TMEM167A: variants seen among roughly 807,000 people sequenced by gnomAD.
The protein encoded by TMEM167A is transmembrane protein 167A, also known as protein kish-A.
In TMEM167A, 8 loss-of-function variants were observed where a neutral mutation model predicts 11.6. That is an observed-to-expected ratio of 0.69 (90% CI 0.40 to 1.24). TMEM167A has a LOEUF of 1.24. Ranked by LOEUF, TMEM167A falls within the 50% of genes most tolerant of loss-of-function variation. The pLI is 0.01. For missense variants in TMEM167A, 62 were observed against 87.0 expected, an observed-to-expected ratio of 0.71 and a Z score of 1.14; for synonymous variants, 22 against 28.0, an observed-to-expected ratio of 0.79 and a Z score of 0.67.
chr5:83,070,237 CGACTGAGTACGCAGGTTCTGTAA>C (rs1428238210), intron 1 of TMEM167A, among the ~76,000 whole-genome samples: 3 of 152,116 alleles, frequency 2.0e-5, no homozygotes, highest in African/African-American at 4.8e-5. Flanking sequence ...AAGATCTGTA[CGACTGAGTACGCAGGTTCTGTAA>C]GACTGAGTAC....
chr5:83,077,285 G>A (rs1436659769), intron 1 of TMEM167A, 36 bp downstream of exon 1: 1 of 1,614,158 alleles, frequency 6.2e-7, no homozygotes, highest in Admixed American at 1.7e-5. Flanking sequence ...ACCCCTTCTC[G>A]AAGATCAACC....
Position 83,056,647 on chromosome 5 carries a change from A to C in TMEM167A, c.*437T>G. On this transcript the variant is annotated 3_prime_UTR_variant, in exon 4 of 4. Coordinates refer to ENST00000502346, the MANE Select transcript of TMEM167A (RefSeq NM_174909.5). ...GAAAAGCAAGCACTATTAAATATTA[A>C]TGCAATCCTTATCAACACAAATTGA... 4.5e-6 allele frequency: 1 copy of C among 222,738 alleles called. No individual in the cohort carries two copies. Among genetic ancestry groups the C allele is most frequent in the South Asian group, 6.1e-5 (1 of 16,504 alleles). The allele number at this position is 222,738 out of a possible 1,614,324, so 13.8% of individuals were successfully genotyped here.
chr5:83,059,776 A>G (rs1744381001), intron 3 of TMEM167A, among the ~76,000 whole-genome samples: 1 of 152,014 alleles, frequency 6.6e-6, no homozygotes, highest in South Asian at 2.1e-4. Flanking sequence ...TTTGAGCTTG[A>G]TAATTCTGTT....
Position 83,077,294 on chromosome 5 carries a change from C to A in TMEM167A, c.3+27G>T. On this transcript the variant is annotated intron_variant, in intron 1 of 3. Coordinates refer to ENST00000502346, the MANE Select transcript of TMEM167A (RefSeq NM_174909.5). ...TCCACAACCCCTTCTCGAAGATCAA[C>A]CGCGACCTGGGAGCCCCACTTCTTA... is the stretch of plus-strand genomic sequence containing the variant. 1.9e-6 allele frequency: 3 copies of A among 1,614,224 alleles called. No homozygotes were observed. The East Asian group carries it at 6.7e-5, about 36-fold the overall frequency.
intron 1 of TMEM167A, among the ~76,000 whole-genome samples, chr5:83,068,867 A>C (rs769577458): frequency 2.6e-5 from 4 of 152,140 alleles, no homozygotes; most frequent in Admixed American, 2.0e-4. Context: ...TGCTTAAATG[A>C]TATAATGTTC....
rs1360121128 is a variant in TMEM167A at position 83,054,490 on chromosome 5, T to G, written c.*2594A>C. ...GAACTTAGCAAGCTGAGGACTTCAG[T>G]GTCCATCATCCGATCCTGCCCTGTA... On this transcript the variant is annotated 3_prime_UTR_variant, in exon 4 of 4. Coordinates refer to ENST00000502346, the MANE Select transcript of TMEM167A (RefSeq NM_174909.5). 6.6e-6 allele frequency: 1 copy of G among 152,038 alleles called. No homozygotes were observed. Among genetic ancestry groups the G allele is most frequent in the Non-Finnish European group, 1.5e-5 (1 of 67,956 alleles). 9.4% of individuals were successfully genotyped at this position (152,038 alleles called of 1,614,324 possible).
intron 1 of TMEM167A, among the ~76,000 whole-genome samples, chr5:83,067,665 T>G (rs1744502418): frequency 6.6e-6 from 1 of 151,178 alleles, no homozygotes; most frequent in Non-Finnish European, 1.5e-5. Flanking sequence ...CCACTACGCC[T>G]GGCTAAATTT....
intron 1 of TMEM167A, among the ~76,000 whole-genome samples, chr5:83,066,645 T>C (rs748271625): frequency 1.1e-4 from 17 of 152,156 alleles, no homozygotes; most frequent in Non-Finnish European, 1.9e-4. Flanking sequence ...GAAGAGACTG[T>C]TGCTATGGTT....
rs754783543 is a variant in TMEM167A, at chr5:83,065,005, T to C, written c.113+3A>G. 2 of 1,568,928 alleles carry C rather than the reference T, an allele frequency of 1.3e-6. No individual in the cohort carries two copies. The highest frequency in any genetic ancestry group is 2.3e-5 in the South Asian group (2 of 87,626). On this transcript the variant is annotated splice_donor_region_variant and intron_variant, in intron 2 of 3. Transcript: ENST00000502346. Reference sequence around the variant, plus strand: ...GGGTGATTAGACATCATTAGTAACATACCCAGTTTTATTTCTGTCCAGGAG... The same window carrying C: ...GGGTGATTAGACATCATTAGTAACACACCCAGTTTTATTTCTGTCCAGGAG...
At chr5:83,067,228 T>G in intron 1 of TMEM167A, among the ~76,000 whole-genome samples, 1 of 145,574 alleles carries the variant, frequency 6.9e-6, no homozygotes, top group East Asian at 1.9e-4. Context: ...AAGGCAAGAA[T>G]AGCCAGGAGA....
At position 83,057,078 on chromosome 5, in the gene TMEM167A, C is replaced by T. The variant is rs750187337; in HGVS notation, c.*6G>A. Reference sequence around the variant, plus strand: ...GATGGCAACTACATTCTGGCATTTTCCCCAGCTACTGTATGAAGAGGATGC... The same window carrying T: ...GATGGCAACTACATTCTGGCATTTTTCCCAGCTACTGTATGAAGAGGATGC... On this transcript the variant is annotated 3_prime_UTR_variant, in exon 4 of 4. Transcript: ENST00000502346. The T allele has an allele frequency of 2.5e-6, 4 of 1,610,516 alleles. No individual in the cohort carries two copies. The highest frequency in any genetic ancestry group is 3.4e-6 in the Non-Finnish European group (4 of 1,178,404).
rs1024334287 is a variant in TMEM167A, at chr5:83,059,418, G to A, written c.149-2264C>T. Among the ~76,000 whole-genome samples the A allele has an allele frequency of 3.3e-5, 5 of 150,780 alleles. No homozygotes were observed. The South Asian group carries it at 8.3e-4, about 25-fold the overall frequency. On this transcript the variant is annotated intron_variant, in intron 3 of 3. Coordinates refer to ENST00000502346, the MANE Select transcript of TMEM167A (RefSeq NM_174909.5). ...TGCATTAGCAATTTAATAAAACTGA[G>A]ATGAAAACGATGCCTCTTAACTCCA... is the stretch of plus-strand genomic sequence containing the variant.
intron 1 of TMEM167A, among the ~76,000 whole-genome samples, chr5:83,067,240 T>A (rs1166964042): frequency 7.7e-6 from 1 of 130,124 alleles, no homozygotes; most frequent in African/African-American, 2.7e-5. Context: ...GCCAGGAGAA[T>A]CTTAAAAACA....
At chr5:83,069,388 G>A (rs1415484009) in intron 1 of TMEM167A, among the ~76,000 whole-genome samples, 1 of 152,116 alleles carries the variant, frequency 6.6e-6, no homozygotes, top group Non-Finnish European at 1.5e-5. Context: ...AAAGGGAAAG[G>A]AGGAATCTAA....
chr5:83,068,686 G>A (rs111517625), intron 1 of TMEM167A, among the ~76,000 whole-genome samples: 3 of 152,122 alleles, frequency 2.0e-5, no homozygotes, highest in Non-Finnish European at 2.9e-5. Flanking sequence ...TCATTGGCAC[G>A]TTCAGGGAAT....
In TMEM167A at chr5:83,056,420, C is replaced by A. The variant is rs1040942849; in HGVS notation, c.*664G>T. 6.6e-6 allele frequency: 1 copy of A among 151,966 alleles called. No individual in the cohort carries two copies. Among genetic ancestry groups the A allele is most frequent in the African/African-American group, 2.4e-5 (1 of 41,408 alleles). The allele number at this position is 151,966 out of a possible 1,614,324, so 9.4% of individuals were successfully genotyped here. A position where few individuals can be genotyped will look rare whatever the true frequency, so the allele number is the denominator to read the frequency against. On this transcript the variant is annotated 3_prime_UTR_variant, in exon 4 of 4. Coordinates refer to ENST00000502346, the MANE Select transcript of TMEM167A (RefSeq NM_174909.5). ...ATATACTTGACAAGATGTTTCAGAGCCTACTATGTCATTTGGCTAGTCTAA... is the reference window on the plus strand; with the variant it reads ...ATATACTTGACAAGATGTTTCAGAGACTACTATGTCATTTGGCTAGTCTAA...
At chr5:83,063,854 C>T (rs987697584) in intron 2 of TMEM167A, among the ~76,000 whole-genome samples, 3 of 151,902 alleles carry the variant, frequency 2.0e-5, no homozygotes, top group Non-Finnish European at 4.4e-5. Flanking sequence ...ATCTTTTTTT[C>T]TGCTGCTTAG....
intron 1 of TMEM167A, among the ~76,000 whole-genome samples, chr5:83,068,933 T>C (rs1290284269): frequency 2.6e-5 from 4 of 152,140 alleles, no homozygotes; most frequent in Admixed American, 1.3e-4. Flanking sequence ...GTAGGGTTGA[T>C]GATAAAATGC....
At chr5:83,066,786 G>A (rs1208585098) in intron 1 of TMEM167A, among the ~76,000 whole-genome samples, 13 of 152,030 alleles carry the variant, frequency 8.6e-5, no homozygotes, top group African/African-American at 3.1e-4. Context: ...GATCTCCCAT[G>A]AATGTCAGGG....
Sources: allele counts gnomAD v4.1 joint callset (sites outside exome capture counted in the v4.1 genomes callset), GRCh38; gene constraint gnomAD v4.1.1; transcripts MANE v1.5; gene names NCBI Gene and HGNC (gene_info 2026-07-23, HGNC 2026-07-21).